The following SHTN1 variants were observed in gnomAD, a reference collection of about 807,000 sequenced individuals.
SHTN1 encodes the protein shootin 1.
In SHTN1, 42 loss-of-function variants were observed where a neutral mutation model predicts 83.1. The ratio of observed to expected loss-of-function variants is 0.51; its 90% CI spans 0.39 to 0.65. The LOEUF is 0.65. Among genes scored for constraint, SHTN1 ranks in the 30% least tolerant of loss-of-function variants. The pLI is 0.00. For missense variants in SHTN1, 622 were observed against 737.8 expected (o/e 0.84, Z 1.82); for synonymous variants, 224 against 247.7 (o/e 0.90, Z 0.90).
chr10:116,900,516 T>C (rs1382622817), intron 16 of SHTN1: 2 of 1,513,062 alleles, frequency 1.3e-6, no homozygotes, highest in Admixed American at 3.9e-5. Context: ...AGGAAGGAGT[T>C]GCAGTATTTT....
At chr10:116,975,117 A>G (rs532138964) in intron 2 of SHTN1, among the ~76,000 whole-genome samples, 1 of 152,358 alleles carries the variant, frequency 6.6e-6, no homozygotes, top group African/African-American at 2.4e-5. Flanking sequence ...ACTAGCAAGT[A>G]GCACCATTTC....
chr10:117,058,756 A>T (rs1325182139), intron 1 of SHTN1, among the ~76,000 whole-genome samples: 1 of 152,252 alleles, frequency 6.6e-6, no homozygotes, highest in South Asian at 2.1e-4. Flanking sequence ...CCATTGATAG[A>T]TGAATGCGCA....
intron 1 of SHTN1, among the ~76,000 whole-genome samples, chr10:117,086,761 G>GA (rs922153710): frequency 2.0e-5 from 3 of 152,090 alleles, no homozygotes; most frequent in African/African-American, 7.2e-5. Flanking sequence ...GTGTATACCC[G>GA]AAAGAATTGA....
chr10:116,926,459 G>A (rs1396554486), intron 11 of SHTN1, among the ~76,000 whole-genome samples: 1 of 152,162 alleles, frequency 6.6e-6, no homozygotes, highest in Non-Finnish European at 1.5e-5. Context: ...TCTTTCAATT[G>A]ACTCTTGGAT....
chr10:116,992,564 C>A (rs1488700369), intron 1 of SHTN1, among the ~76,000 whole-genome samples: 1 of 152,098 alleles, frequency 6.6e-6, no homozygotes, highest in Non-Finnish European at 1.5e-5. Context: ...GGCAAATAAG[C>A]CCCCCAAACT....
At chr10:117,035,278 C>T (rs979653543) in intron 2 of SHTN1, among the ~76,000 whole-genome samples, 1 of 152,150 alleles carries the variant, frequency 6.6e-6, no homozygotes, top group Non-Finnish European at 1.5e-5. Flanking sequence ...AACTGGATAT[C>T]CATATGCAGA....
intron 1 of SHTN1, 25 bp from the exon 2 acceptor site, chr10:116,979,333 T>C: frequency 6.2e-7 from 1 of 1,604,070 alleles, no homozygotes; most frequent in South Asian, 1.1e-5. Flanking sequence ...GAAAGCAACA[T>C]TACAACACTG....
chr10:117,093,207 CA>C (rs1564957018), intron 1 of SHTN1, among the ~76,000 whole-genome samples: 1 of 152,060 alleles, frequency 6.6e-6, no homozygotes. Flanking sequence ...GTAGCATGCC[CA>C]GATACATACA....
intron 1 of SHTN1, among the ~76,000 whole-genome samples, chr10:117,110,609 C>A (rs1396093876): frequency 6.6e-6 from 1 of 151,942 alleles, no homozygotes; most frequent in African/African-American, 2.4e-5. Context: ...AATCCACCCA[C>A]CTCGGCCTCC....
intron 1 of SHTN1, among the ~76,000 whole-genome samples, chr10:117,060,040 A>G (rs1352381304): frequency 1.3e-5 from 2 of 152,044 alleles, no homozygotes; most frequent in Non-Finnish European, 1.5e-5. Flanking sequence ...GCCAAACTCC[A>G]TCCCTAAAAA....
At chr10:116,993,203 G>C (rs1851509047) in intron 1 of SHTN1, among the ~76,000 whole-genome samples, 1 of 151,718 alleles carries the variant, frequency 6.6e-6, no homozygotes, top group South Asian at 2.1e-4. Context: ...TTTTAGTAGA[G>C]ACAAGGTTTC....
intron 1 of SHTN1, among the ~76,000 whole-genome samples, chr10:117,124,592 G>A (rs1283139309): frequency 6.6e-6 from 1 of 152,080 alleles, no homozygotes; most frequent in East Asian, 1.9e-4. Context: ...GGCCAACGTG[G>A]TGAAACCCCA....
At chr10:116,978,499 T>C (rs1479161166) in intron 2 of SHTN1, among the ~76,000 whole-genome samples, 1 of 151,944 alleles carries the variant, frequency 6.6e-6, no homozygotes, top group African/African-American at 2.4e-5. Flanking sequence ...AAACCGAAAA[T>C]AGGCAGTCTG....
intron 1 of SHTN1, among the ~76,000 whole-genome samples, chr10:117,092,930 C>A (rs1259078148): frequency 1.3e-5 from 2 of 152,158 alleles, no homozygotes; most frequent in Admixed American, 1.3e-4. Flanking sequence ...AATAGCAGTA[C>A]ATGAAGAATT....
At chr10:116,962,189 C>G (rs1223301177) in intron 3 of SHTN1, among the ~76,000 whole-genome samples, 2 of 152,042 alleles carry the variant, frequency 1.3e-5, no homozygotes, top group Non-Finnish European at 2.9e-5. Context: ...TGGAATCACA[C>G]ACAATATGTG....
At chr10:116,943,185 T>C (rs948543651) in intron 8 of SHTN1, among the ~76,000 whole-genome samples, 1 of 152,238 alleles carries the variant, frequency 6.6e-6, no homozygotes, top group African/African-American at 2.4e-5. Context: ...CATGTCAGCA[T>C]TATTGTTTCC....
intron 1 of SHTN1, among the ~76,000 whole-genome samples, chr10:117,117,456 C>A (rs1283869151): frequency 6.6e-6 from 1 of 152,082 alleles, no homozygotes; most frequent in Non-Finnish European, 1.5e-5. Context: ...TGTTAAATGA[C>A]AATACTACCC....
chr10:117,078,397 G>A (rs1853195301), intron 1 of SHTN1, among the ~76,000 whole-genome samples: 1 of 152,090 alleles, frequency 6.6e-6, no homozygotes. Context: ...GTAATCTTGT[G>A]GCCACCGCTG....
At chr10:117,124,055 T>TA (rs1853970041) in intron 1 of SHTN1, among the ~76,000 whole-genome samples, 1 of 149,626 alleles carries the variant, frequency 6.7e-6, no homozygotes, top group Non-Finnish European at 1.5e-5. Flanking sequence ...CTACAAAAAA[T>TA]AAAAAAATAG....
Sources: gnomAD v4.1 joint callset for allele counts (sites outside exome capture counted in the v4.1 genomes callset) on GRCh38, gnomAD v4.1.1 for gene constraint, MANE v1.5 for transcripts, NCBI Gene and HGNC (gene_info 2026-07-23, HGNC 2026-07-21) for gene names.